Variants in FBXL4 observed in about 807,000 individuals in gnomAD.
The protein encoded by FBXL4 is F-box and leucine rich repeat protein 4.
A neutral mutation model predicts 58.9 loss-of-function variants in FBXL4; 40 were observed. That is an observed-to-expected ratio of 0.68 (90% CI 0.53 to 0.88). The LOEUF is 0.88. FBXL4 is among the 40% of genes least tolerant of loss of function. The probability of loss-of-function intolerance (pLI) is 0.00; values close to 1 mark genes in which losing one functional copy is unlikely to be tolerated. For synonymous variants in FBXL4, 263 were observed against 265.5 expected (o/e 0.99, Z 0.09); for missense variants, 676 against 734.4 (o/e 0.92, Z 0.92).
intron 7 of FBXL4, among the ~76,000 whole-genome samples, chr6:98,890,352 T>C (rs1162940473): frequency 6.6e-6 from 1 of 152,158 alleles, no homozygotes; most frequent in Non-Finnish European, 1.5e-5. Context: ...TTATATAACG[T>C]GATCAGAAAC....
intron 5 of FBXL4, among the ~76,000 whole-genome samples, chr6:98,910,448 T>G (rs1035098730): frequency 6.6e-6 from 1 of 151,900 alleles, no homozygotes; most frequent in Non-Finnish European, 1.5e-5. Context: ...GGTCAGGAGA[T>G]CGAGACAATA....
intron 7 of FBXL4, among the ~76,000 whole-genome samples, chr6:98,882,754 A>C (rs1264078404): frequency 6.6e-6 from 1 of 152,064 alleles, no homozygotes; most frequent in African/African-American, 2.4e-5. Flanking sequence ...CAATTTTACT[A>C]TACGTTATGT....
intron 5 of FBXL4, among the ~76,000 whole-genome samples, chr6:98,905,997 C>T (rs1051638801): frequency 5.3e-5 from 8 of 152,016 alleles, no homozygotes; most frequent in Non-Finnish European, 8.8e-5. Context: ...CAGACACTGG[C>T]GACAGAAAAG....
intron 7 of FBXL4, among the ~76,000 whole-genome samples, chr6:98,891,254 T>G (rs1176114351): frequency 2.0e-5 from 3 of 151,832 alleles, no homozygotes; most frequent in Non-Finnish European, 4.4e-5. Flanking sequence ...ATAAAGTTCC[T>G]TACACTGCCT....
At chr6:98,947,531 G>C (rs536240936) in intron 1 of FBXL4, among the ~76,000 whole-genome samples, 2 of 152,236 alleles carry the variant, frequency 1.3e-5, no homozygotes, top group Non-Finnish European at 1.5e-5. Context: ...GCACACGTCC[G>C]AACGACGCCT....
Position 98,926,613 on chromosome 6 carries a change from A to G in FBXL4, c.376T>C (p.Tyr126His). The G allele has an allele frequency of 1.9e-6, 3 of 1,614,184 alleles. No homozygotes were observed. The highest frequency in any genetic ancestry group is 2.2e-5 in the East Asian group (1 of 44,882). Residue 126 changes from tyrosine (Y) to histidine (H), a missense_variant, in exon 4 of 10, where the codon TAT becomes CAT. Coordinates refer to ENST00000369244, the MANE Select transcript of FBXL4 (RefSeq NM_001278716.2). ...TGTTGTTCAAAAGTAAGTTCCACAT[A>G]GTCCTGGCTCTGAAAATTAGGTGGC... is the stretch of plus-strand genomic sequence containing the variant. ...RTPPNFQSQD[Y>H]VELTFEQQVY... is the part of the protein sequence containing the mutation.
At chr6:98,940,629 GT>G (rs1236914903) in intron 1 of FBXL4, among the ~76,000 whole-genome samples, 12 of 150,732 alleles carry the variant, frequency 8.0e-5, no homozygotes, top group Admixed American at 6.6e-4. Context: ...TCTTTTTTTT[GT>G]TGTTGTTTCC....
chr6:98,887,650 T>C (rs1196383767), intron 7 of FBXL4, among the ~76,000 whole-genome samples: 7 of 151,054 alleles, frequency 4.6e-5, no homozygotes, highest in Non-Finnish European at 8.8e-5. Flanking sequence ...GGAATTAACA[T>C]AGAATAAAAG....
At chr6:98,901,327 A>T (rs1771602869) in intron 6 of FBXL4, among the ~76,000 whole-genome samples, 1 of 152,072 alleles carries the variant, frequency 6.6e-6, no homozygotes, top group Admixed American at 6.6e-5. Flanking sequence ...AGTCCAGGGC[A>T]GGATAACAAG....
chr6:98,918,552 T>G (rs1772460139), intron 4 of FBXL4, among the ~76,000 whole-genome samples: 1 of 152,190 alleles, frequency 6.6e-6, no homozygotes, highest in Admixed American at 6.5e-5. Flanking sequence ...TTTCCAAAAT[T>G]ATTTAAAGAT....
chr6:98,942,062 G>A (rs1773452496), intron 1 of FBXL4, among the ~76,000 whole-genome samples: 1 of 139,104 alleles, frequency 7.2e-6, no homozygotes, highest in African/African-American at 2.8e-5. Context: ...TAAGTTCAAG[G>A]AAATTCTAAA....
chr6:98,917,728 A>G lies in FBXL4; in HGVS notation c.513-9T>C. The G allele has an allele frequency of 7.0e-6, 11 of 1,573,902 alleles. No homozygotes were observed. Among genetic ancestry groups the G allele is most frequent in the Non-Finnish European group, 8.6e-6 (10 of 1,162,856 alleles). The stretch of plus-strand genomic sequence containing the variant: ...ACCAAAGAATCTCCCATCTGCCAAA[A>G]AAAGAAACTTCCCTATAATACAGTT... On this transcript the variant is annotated splice_polypyrimidine_tract_variant and intron_variant, in intron 4 of 9. Transcript: ENST00000369244.
chr6:98,908,337 A>G (rs1452956163), intron 5 of FBXL4, among the ~76,000 whole-genome samples: 1 of 152,136 alleles, frequency 6.6e-6, no homozygotes, highest in Non-Finnish European at 1.5e-5. Context: ...TTAATGATAT[A>G]TCTTATAGAT....
At chr6:98,933,126 T>A (rs992665178) in intron 2 of FBXL4, among the ~76,000 whole-genome samples, 1 of 152,166 alleles carries the variant, frequency 6.6e-6, no homozygotes, top group African/African-American at 2.4e-5. Flanking sequence ...AAAGCATCAA[T>A]GGAGAAAAGA....
At chr6:98,876,890 G>GC (rs1770682547) in intron 8 of FBXL4, among the ~76,000 whole-genome samples, 1 of 152,134 alleles carries the variant, frequency 6.6e-6, no homozygotes, top group African/African-American at 2.4e-5. Context: ...TTTCTTTCAA[G>GC]TACTAAGGAA....
intron 4 of FBXL4, among the ~76,000 whole-genome samples, chr6:98,921,973 T>A (rs1322212511): frequency 6.6e-6 from 1 of 152,148 alleles, no homozygotes; most frequent in Non-Finnish European, 1.5e-5. Context: ...ATTAAGATAT[T>A]ATTCACAGGA....
At chr6:98,889,492 G>T (rs1159536713) in intron 7 of FBXL4, among the ~76,000 whole-genome samples, 1 of 151,790 alleles carries the variant, frequency 6.6e-6, no homozygotes, top group Non-Finnish European at 1.5e-5. Flanking sequence ...GACCAGCCTG[G>T]GAACATGGCA....
At chr6:98,934,165 A>C (rs1390292313) in intron 2 of FBXL4, among the ~76,000 whole-genome samples, 2 of 152,208 alleles carry the variant, frequency 1.3e-5, no homozygotes, top group Non-Finnish European at 2.9e-5. Context: ...GAGGTAAAAG[A>C]AAGCCATTTC....
chr6:98,926,048 C>T (rs1035746846), intron 4 of FBXL4, among the ~76,000 whole-genome samples: 2 of 152,214 alleles, frequency 1.3e-5, no homozygotes, highest in Middle Eastern at 3.4e-3. Context: ...ATTCAACTAA[C>T]GTTAAACCAA....
Sources: gnomAD v4.1 joint callset for allele counts (sites outside exome capture counted in the v4.1 genomes callset) on GRCh38, gnomAD v4.1.1 for gene constraint, MANE v1.5 for transcripts, NCBI Gene and HGNC (gene_info 2026-07-23, HGNC 2026-07-21) for gene names.